GRM4: variants seen among roughly 807,000 people sequenced by gnomAD.
The protein encoded by GRM4 is glutamate metabotropic receptor 4, also known as metabotropic glutamate receptor 4.
Under a neutral mutation model 81.7 loss-of-function variants are expected in GRM4, and 28 were observed. The ratio of observed to expected loss-of-function variants is 0.34; its 90% CI spans 0.25 to 0.47. GRM4 has a LOEUF of 0.47. Ranked by LOEUF, GRM4 falls within the 20% of genes least tolerant of loss-of-function variation. The pLI, the probability that GRM4 is intolerant of heterozygous loss-of-function variation, is 1.00. For missense variants in GRM4, 948 were observed against 1,290.0 expected (o/e 0.73, Z 4.06); for synonymous variants, 488 against 528.8 (o/e 0.92, Z 1.06).
chr6:34,123,215 C>A (rs937184998), intron 2 of GRM4, among the ~76,000 whole-genome samples: 3 of 152,174 alleles, frequency 2.0e-5, no homozygotes, highest in Admixed American at 6.5e-5. Flanking sequence ...CCAGAGATCA[C>A]CCCAGCGCCC....
At chr6:34,132,561 C>T (rs568128282) in intron 2 of GRM4, among the ~76,000 whole-genome samples, 2 of 152,340 alleles carry the variant, frequency 1.3e-5, no homozygotes, top group East Asian at 3.9e-4. Flanking sequence ...TCTTATCTGT[C>T]TGTCTGTCTG....
chr6:34,077,188 A>G (rs969934599), intron 3 of GRM4, among the ~76,000 whole-genome samples: 2 of 152,224 alleles, frequency 1.3e-5, no homozygotes, highest in African/African-American at 2.4e-5. Flanking sequence ...CATGTCCCAC[A>G]TGTCCCCAGA....
chr6:34,087,509 C>T (rs114125865), intron 3 of GRM4, among the ~76,000 whole-genome samples: 2 of 151,988 alleles, frequency 1.3e-5, no homozygotes, highest in African/African-American at 4.8e-5. Context: ...CAGTGACTCA[C>T]TGGCATTATC....
chr6:34,083,462 C>T (rs978530500), intron 3 of GRM4, among the ~76,000 whole-genome samples: 1 of 152,220 alleles, frequency 6.6e-6, no homozygotes, highest in African/African-American at 2.4e-5. Flanking sequence ...ACCCAGCTGG[C>T]GCGTGGTGGG....
At chr6:34,106,240 C>T (rs1163981461) in intron 2 of GRM4, among the ~76,000 whole-genome samples, 3 of 151,974 alleles carry the variant, frequency 2.0e-5, no homozygotes, top group African/African-American at 4.8e-5. Flanking sequence ...CATGGTGAAA[C>T]CCCATCTCTA....
rs2127477681 is a variant in GRM4 at position 34,080,298 on chromosome 6, A to T, written c.736+11585T>A. On this transcript the variant is annotated intron_variant, in intron 3 of 10. Transcript: ENST00000538487. This position sits in a 1 kb window ranked among gnomAD's most constrained non-coding sequence, Gnocchi z 5.4. Reference sequence around the variant, plus strand: ...TACTTGCCCCTCTCTGTCCACTTACACTGCTTTGTTCCTCTTCAGAGCAGC... The same window carrying T: ...TACTTGCCCCTCTCTGTCCACTTACTCTGCTTTGTTCCTCTTCAGAGCAGC... Among the ~76,000 whole-genome samples the T allele has an allele frequency of 6.6e-6, 1 of 152,188 alleles. No individual in the cohort carries two copies. The highest frequency in any genetic ancestry group is 1.9e-4 in the East Asian group (1 of 5,184).
chr6:34,028,335 G>A lies in GRM4; in HGVS notation c.2474C>T (p.Ser825Leu), dbSNP rs767163783. 40 of 1,611,840 alleles carry A rather than the reference G, an allele frequency of 2.5e-5. No individual in the cohort carries two copies. The highest frequency in any genetic ancestry group is 4.5e-5 in the East Asian group (2 of 44,892). ...LYIQTTTLTV[S>L]VSLSASVSLG... ...GGACACCGAGGCGCTCAGACTCACC[G>A]AGACCGTCAGCGTCGTCGTCTGGAT... Residue 825 changes from serine to leucine, a missense_variant, in exon 10 of 11, where the codon TCG becomes TTG. Coordinates refer to ENST00000538487, the MANE Select transcript of GRM4 (RefSeq NM_000841.4).
chr6:34,041,178 G>A (rs1473377239), intron 6 of GRM4, among the ~76,000 whole-genome samples: 1 of 152,172 alleles, frequency 6.6e-6, no homozygotes, highest in African/African-American at 2.4e-5. Context: ...CAGGGGCTAT[G>A]TCCATCAATG....
At chr6:34,023,104 G>A (rs927268370) in intron 10 of GRM4, among the ~76,000 whole-genome samples, 7 of 152,100 alleles carry the variant, frequency 4.6e-5, no homozygotes, top group South Asian at 2.1e-4. Context: ...CCCATGTTTC[G>A]CACCTCCACG....
intron 3 of GRM4, among the ~76,000 whole-genome samples, chr6:34,085,463 C>T (rs529952615): frequency 6.6e-6 from 1 of 152,280 alleles, no homozygotes; most frequent in South Asian, 2.1e-4. Context: ...AGCCAGGGAG[C>T]TCAGTAGGGC....
Position 34,021,974 on chromosome 6 carries a change from G to GGGGCAGGC in GRM4, c.*839_*846dup, listed in dbSNP as rs1224631509. ...ACTGAACTCCGTGTGGTCGGCAGGA[G>GGGGCAGGC]GGGCAGGCGGGCAGGCGGGCAAGAC... is the stretch of plus-strand genomic sequence containing the variant. On this transcript the variant is annotated 3_prime_UTR_variant, in exon 11 of 11. Transcript: ENST00000538487. The surrounding 1 kb of genome is among the most constrained non-coding windows in gnomAD (Gnocchi z 5.3). The GGGGCAGGC allele has an allele frequency of 3.2e-5, 5 of 155,058 alleles. No individual in the cohort carries two copies. Among genetic ancestry groups the GGGGCAGGC allele is most frequent in the South Asian group, 1.9e-4 (1 of 5,180 alleles). 9.6% of individuals were successfully genotyped at this position (155,058 alleles called of 1,614,324 possible).
Position 34,047,683 on chromosome 6 carries a change from A to G in GRM4, c.1169-6935T>C, listed in dbSNP as rs1263098831. Among the ~76,000 whole-genome samples the G allele has an allele frequency of 6.6e-5, 10 of 151,106 alleles. No individual in the cohort carries two copies. Among genetic ancestry groups the G allele is most frequent in the Non-Finnish European group, 1.5e-4 (10 of 67,778 alleles). ...ACAACTCAGCCTTGGCCCAACACCA[A>G]CTCCTTCCAGTCCCAGTGAATGATG... On this transcript the variant is annotated intron_variant, in intron 6 of 10. Transcript: ENST00000538487. The surrounding 1 kb of genome is among the most constrained non-coding windows in gnomAD (Gnocchi z 4.5).
chr6:34,151,411 T>C (rs1255214275), intron 1 of GRM4, among the ~76,000 whole-genome samples: 1 of 151,026 alleles, frequency 6.6e-6, no homozygotes, highest in East Asian at 1.9e-4. Flanking sequence ...TTATCATCTC[T>C]CTCTCCACAT....
intron 2 of GRM4, among the ~76,000 whole-genome samples, 170 bp downstream of exon 2, chr6:34,132,808 A>G (rs1436149310): frequency 6.6e-6 from 1 of 152,232 alleles, no homozygotes; most frequent in Non-Finnish European, 1.5e-5. Flanking sequence ...TACTGAAACC[A>G]GGAAGAGCTG....
chr6:34,142,801 C>T (rs1005287115), intron 1 of GRM4, among the ~76,000 whole-genome samples: 5 of 152,178 alleles, frequency 3.3e-5, no homozygotes, highest in East Asian at 1.9e-4. Context: ...GCCGCCCAGA[C>T]GCAGGTTGGG....
At position 34,019,508 on chromosome 6, in the gene GRM4, C is replaced by G. The variant is rs376591507; in HGVS notation, c.*3313G>C. Reference sequence around the variant, plus strand: ...AATATGCCCGTGCCCAGCCCTCCCCCCAGAAGTTCAGGTCCAGTGTTCTGG... The same window carrying G: ...AATATGCCCGTGCCCAGCCCTCCCCGCAGAAGTTCAGGTCCAGTGTTCTGG... On this transcript the variant is annotated 3_prime_UTR_variant, in exon 11 of 11. Coordinates refer to ENST00000538487, the MANE Select transcript of GRM4 (RefSeq NM_000841.4). The G allele has an allele frequency of 6.6e-6, 1 of 152,130 alleles. No individual in the cohort carries two copies. The highest frequency in any genetic ancestry group is 2.4e-5 in the African/African-American group (1 of 41,320). 9.4% of individuals were successfully genotyped at this position (152,130 alleles called of 1,614,324 possible). A position where few individuals can be genotyped will look rare whatever the true frequency, so the allele number is the denominator to read the frequency against.
At chr6:34,101,848 CT>C (rs1768855946) in intron 2 of GRM4, among the ~76,000 whole-genome samples, 1 of 152,224 alleles carries the variant, frequency 6.6e-6, no homozygotes, top group Non-Finnish European at 1.5e-5. Context: ...ATCATCAAGC[CT>C]TTTGCATCTG....
chr6:34,095,008 C>T (rs1768438237), intron 2 of GRM4, among the ~76,000 whole-genome samples: 1 of 152,174 alleles, frequency 6.6e-6, no homozygotes, highest in Admixed American at 6.5e-5. Flanking sequence ...GCCTTCAGAC[C>T]CTGGCCCAAA....
At chr6:34,076,568 A>T (rs1767323074) in intron 3 of GRM4, among the ~76,000 whole-genome samples, 1 of 152,206 alleles carries the variant, frequency 6.6e-6, no homozygotes, top group African/African-American at 2.4e-5. Flanking sequence ...GACCAAGAAG[A>T]TGGATGTGAG....
Sources: allele counts gnomAD v4.1 joint callset (sites outside exome capture counted in the v4.1 genomes callset), GRCh38; gene constraint gnomAD v4.1.1; non-coding constraint Gnocchi (gnomAD v3.1); transcripts MANE v1.5; gene names NCBI Gene and HGNC (gene_info 2026-07-23, HGNC 2026-07-21).